The following CXXC4 variants were observed in gnomAD, a reference collection of about 807,000 sequenced individuals.
The protein encoded by CXXC4 is CXXC finger protein 4, also known as CXXC-type zinc finger protein 4.
Under a neutral mutation model 20.5 loss-of-function variants are expected in CXXC4, and 5 were observed. The observed-to-expected ratio is 0.24, with a 90% CI of 0.13 to 0.51. The LOEUF is 0.51. Ranked by LOEUF, CXXC4 falls within the 20% of genes least tolerant of loss-of-function variation. The probability of loss-of-function intolerance (pLI) is 0.97; values close to 1 mark genes in which losing one functional copy is unlikely to be tolerated. For missense variants in CXXC4, 419 were observed against 496.4 expected, an observed-to-expected ratio of 0.84 and a Z score of 1.48; for synonymous variants, 250 against 216.4, an observed-to-expected ratio of 1.16 and a Z score of -1.36.
chr4:104,490,013 A>T (rs1736799235), intron 2 of CXXC4, among the ~76,000 whole-genome samples: 1 of 152,180 alleles, frequency 6.6e-6, no homozygotes, highest in Non-Finnish European at 1.5e-5. Context: ...AAACCACATA[A>T]AATAATTTTT....
chr4:104,489,775 T>C (rs541018418), intron 2 of CXXC4, among the ~76,000 whole-genome samples: 3 of 152,230 alleles, frequency 2.0e-5, no homozygotes, highest in South Asian at 4.1e-4. Flanking sequence ...TCTCTGTATT[T>C]AGCATAATTC....
chr4:104,478,614 C>T (rs1189619887), intron 2 of CXXC4, among the ~76,000 whole-genome samples: 4 of 152,032 alleles, frequency 2.6e-5, no homozygotes, highest in Non-Finnish European at 5.9e-5. Context: ...ACCATTCTAA[C>T]AAATAAGTAA....
chr4:104,478,046 C>G (rs530935014), intron 2 of CXXC4, among the ~76,000 whole-genome samples: 21 of 152,072 alleles, frequency 1.4e-4, no homozygotes, highest in Non-Finnish European at 2.4e-4. Context: ...CTTTTGGAGG[C>G]TTTAAATATG....
Position 104,491,456 on chromosome 4 carries a change from C to G in CXXC4, c.347G>C (p.Gly116Ala), listed in dbSNP as rs1320819851. Residue 116 changes from glycine to alanine, a missense_variant, in exon 2 of 3, where the codon GGG becomes GCG. Transcript: ENST00000394767. ...GSGGGGGGGGGGGGGGGGGGG... is the reference protein window; with the variant it reads ...GSGGGGGGGGAGGGGGGGGGG... ...GCCGCCGCCGCCGCCGCCGCCACCC[C>G]CCCCGCCGCCGCCCCCGCCCCCGCC... is the stretch of plus-strand genomic sequence containing the variant. 2.2e-6 allele frequency: 2 copies of G among 921,240 alleles called. No individual in the cohort carries two copies. Among genetic ancestry groups the G allele is most frequent in the African/African-American group, 3.6e-5 (2 of 55,202 alleles). The allele number at this position is 921,240 out of a possible 1,614,324, so 57.1% of individuals were successfully genotyped here. A position where few individuals can be genotyped will look rare whatever the true frequency, so the allele number is the denominator to read the frequency against.
rs532524986 is a variant in CXXC4, at chr4:104,491,307, T to TGCC, written c.493_495dup (p.Gly165dup). ...TTTCGGTGGTGCATGCTGGTCCTGC[T>TGCC]GCCGCCGCCGCCGCCGCCGCCGCCA... On this transcript the variant is annotated inframe_insertion, in exon 2 of 3. Coordinates refer to ENST00000394767, the MANE Select transcript of CXXC4 (RefSeq NM_025212.4). The TGCC allele has an allele frequency of 5.4e-4, 852 of 1,572,922 alleles. 2 individuals are homozygous for TGCC. The highest frequency in any genetic ancestry group is 1.8e-3 in the African/African-American group (133 of 72,220).
At chr4:104,484,641 AAATT>A (rs1393597694) in intron 2 of CXXC4, among the ~76,000 whole-genome samples, 6 of 152,144 alleles carry the variant, frequency 3.9e-5, no homozygotes, top group African/African-American at 1.4e-4. Context: ...CTCTTAAAAT[AAATT>A]AAGAGAAAGC....
chr4:104,479,236 T>C (rs1247701990), intron 2 of CXXC4, among the ~76,000 whole-genome samples: 2 of 152,122 alleles, frequency 1.3e-5, no homozygotes, highest in African/African-American at 4.8e-5. Flanking sequence ...AATATTCATA[T>C]AAAATACTAG....
intron 2 of CXXC4, among the ~76,000 whole-genome samples, chr4:104,483,512 C>T (rs1161199657): frequency 6.6e-6 from 1 of 151,848 alleles, no homozygotes; most frequent in Non-Finnish European, 1.5e-5. Flanking sequence ...TAGTAAAAAA[C>T]AGAAAAACTT....
rs58391539 is a variant in CXXC4 at position 104,472,693 on chromosome 4, C to G, written c.1060-327G>C. 5.4e-3 allele frequency among the ~76,000 whole-genome samples: 817 copies of G among 152,020 alleles called. 7 individuals are homozygous for G. Among genetic ancestry groups the G allele is most frequent in the African/African-American group, 0.018 (761 of 41,520 alleles). ...CCAATATGAGGAAGACCAGTCAGCA[C>G]AGGTACTTAAAATCTATATCTGCCT... On this transcript the variant is annotated intron_variant, in intron 2 of 2. Coordinates refer to ENST00000394767, the MANE Select transcript of CXXC4 (RefSeq NM_025212.4).
Position 104,470,529 on chromosome 4 carries a change from C to T in CXXC4, c.*1793G>A, listed in dbSNP as rs1736242690. On this transcript the variant is annotated 3_prime_UTR_variant, in exon 3 of 3. Coordinates refer to ENST00000394767, the MANE Select transcript of CXXC4 (RefSeq NM_025212.4). Reference sequence around the variant, plus strand: ...CTGCTTTTTAAAAAATCTTTTCTGTCCTATCGTATCCCATTGAAATCTACA... The same window carrying T: ...CTGCTTTTTAAAAAATCTTTTCTGTTCTATCGTATCCCATTGAAATCTACA... 1 of 152,036 alleles carries T rather than the reference C, an allele frequency of 6.6e-6. No homozygotes were observed. The highest frequency in any genetic ancestry group is 1.5e-5 in the Non-Finnish European group (1 of 67,964). The allele number at this position is 152,036 out of a possible 1,614,324, so 9.4% of individuals were successfully genotyped here.
Position 104,472,040 on chromosome 4 carries a change from T to C in CXXC4, c.*282A>G, listed in dbSNP as rs1736288727. 1.1e-5 allele frequency: 3 copies of C among 275,442 alleles called. No individual in the cohort carries two copies. The highest frequency in any genetic ancestry group is 5.2e-5 in the Admixed American group (1 of 19,170). 17.1% of individuals were successfully genotyped at this position (275,442 alleles called of 1,614,324 possible). ...CCCAAACTTATTTTTTACAGCCACT[T>C]TCAAAATAGACAACAACTTCACTAC... On this transcript the variant is annotated 3_prime_UTR_variant, in exon 3 of 3. Coordinates refer to ENST00000394767, the MANE Select transcript of CXXC4 (RefSeq NM_025212.4).
intron 2 of CXXC4, among the ~76,000 whole-genome samples, chr4:104,474,900 T>C (rs1478466620): frequency 6.6e-6 from 1 of 152,154 alleles, no homozygotes; most frequent in Non-Finnish European, 1.5e-5. Flanking sequence ...TCGCTCTTCC[T>C]GTGCCCCTTT....
rs1185453044 is a variant in CXXC4 at position 104,494,739 on chromosome 4, G to C, written c.-296C>G. 4.0e-5 allele frequency: 6 copies of C among 148,314 alleles called. No individual in the cohort carries two copies. The highest frequency in any genetic ancestry group is 9.0e-5 in the Non-Finnish European group (6 of 66,944). 9.2% of individuals were successfully genotyped at this position (148,314 alleles called of 1,614,324 possible). On this transcript the variant is annotated 5_prime_UTR_variant, in exon 1 of 3. Transcript: ENST00000394767. Reference sequence around the variant, plus strand: ...TTTTTTCTTGTTGCAGAGAGAAGGAGGAGGAGATGGTGTTAGTGGTGGGGG... The same window carrying C: ...TTTTTTCTTGTTGCAGAGAGAAGGACGAGGAGATGGTGTTAGTGGTGGGGG...
At chr4:104,483,876 T>C (rs1182311128) in intron 2 of CXXC4, among the ~76,000 whole-genome samples, 1 of 151,990 alleles carries the variant, frequency 6.6e-6, no homozygotes, top group Non-Finnish European at 1.5e-5. Flanking sequence ...ATAATTGAAA[T>C]TGGCTCACCA....
intron 2 of CXXC4, among the ~76,000 whole-genome samples, chr4:104,481,735 G>T (rs1420762169): frequency 6.6e-6 from 1 of 152,032 alleles, no homozygotes; most frequent in Non-Finnish European, 1.5e-5. Context: ...TGGAACTTAA[G>T]TCTTGGAAGA....
chr4:104,488,547 G>A (rs900987541), intron 2 of CXXC4, among the ~76,000 whole-genome samples: 1 of 152,190 alleles, frequency 6.6e-6, no homozygotes, highest in African/African-American at 2.4e-5. Flanking sequence ...TCTGATAGAA[G>A]GGATCTGAAG....
Position 104,484,689 on chromosome 4 carries a change from T to A in CXXC4, c.1059+6055A>T, listed in dbSNP as rs188737420. Among the ~76,000 whole-genome samples, 61 of 152,134 alleles carry A rather than the reference T, an allele frequency of 4.0e-4. No homozygotes were observed. The East Asian group carries it at 9.7e-3, about 24-fold the overall frequency. On this transcript the variant is annotated intron_variant, in intron 2 of 2. Coordinates refer to ENST00000394767, the MANE Select transcript of CXXC4 (RefSeq NM_025212.4). ...TTCACAGAGGAAAAAATATTTCTCA[T>A]AATGTTTTAGAGTAGAAGTTAACAA... is the stretch of plus-strand genomic sequence containing the variant.
At position 104,482,147 on chromosome 4, in the gene CXXC4, C is replaced by T. The variant is rs369040779; in HGVS notation, c.1059+8597G>A. ...GATAAACTCATATATTTTTCTGCTC[C>T]ATTTTATTCTAACCTACTTTCTAAA... On this transcript the variant is annotated intron_variant, in intron 2 of 2. Coordinates refer to ENST00000394767, the MANE Select transcript of CXXC4 (RefSeq NM_025212.4). Among the ~76,000 whole-genome samples, 6 of 152,240 alleles carry T rather than the reference C, an allele frequency of 3.9e-5. No homozygotes were observed. In the East Asian group the frequency reaches 7.7e-4, roughly 20 times the overall value.
chr4:104,488,100 G>T (rs1192042792), intron 2 of CXXC4, among the ~76,000 whole-genome samples: 1 of 152,198 alleles, frequency 6.6e-6, no homozygotes, highest in East Asian at 1.9e-4. Flanking sequence ...TGATCCAGAT[G>T]TTAATTGGCA....
Sources: allele counts gnomAD v4.1 joint callset (sites outside exome capture counted in the v4.1 genomes callset), GRCh38; gene constraint gnomAD v4.1.1; transcripts MANE v1.5; gene names NCBI Gene and HGNC (gene_info 2026-07-23, HGNC 2026-07-21).